The following GPHN variants were observed in gnomAD, a reference collection of about 807,000 sequenced individuals.
GPHN encodes gephyrin.
Under a neutral mutation model 95.5 loss-of-function variants are expected in GPHN, and 17 were observed. The ratio of observed to expected loss-of-function variants is 0.18; its 90% CI spans 0.12 to 0.27. GPHN has a LOEUF of 0.27. Among genes scored for constraint, GPHN ranks in the 10% least tolerant of loss-of-function variants. GPHN has a pLI of 1.00. For missense variants in GPHN, 660 were observed against 978.1 expected, an observed-to-expected ratio of 0.67 and a Z score of 4.34; for synonymous variants, 320 against 322.5, an observed-to-expected ratio of 0.99 and a Z score of 0.08.
the GPHN span, among the ~76,000 whole-genome samples, chr14:67,550,271 C>G: frequency 1.3e-5 from 2 of 152,146 alleles, no homozygotes; most frequent in African/African-American, 4.8e-5. Flanking sequence ...TCACTGCTAC[C>G]TCTGCCCCCG....
intron 2 of GPHN, among the ~76,000 whole-genome samples, chr14:66,765,849 A>G (rs1288227300): frequency 6.6e-6 from 1 of 152,334 alleles, no homozygotes; most frequent in Admixed American, 6.5e-5. Flanking sequence ...AATGAAATAT[A>G]TATCTGGATA....
At chr14:67,479,059 C>CT in the GPHN span, among the ~76,000 whole-genome samples, 6 of 152,170 alleles carry the variant, frequency 3.9e-5, no homozygotes, top group East Asian at 1.9e-4. Flanking sequence ...TTTCTGCATA[C>CT]TTTTTTTTCC....
At chr14:66,526,190 A>G (rs1240069463) in intron 1 of GPHN, among the ~76,000 whole-genome samples, 1 of 152,084 alleles carries the variant, frequency 6.6e-6, no homozygotes, top group Non-Finnish European at 1.5e-5. Flanking sequence ...CTCCTTAAAG[A>G]GGTCCTTCAC....
At chr14:67,721,512 G>A in the GPHN span, among the ~76,000 whole-genome samples, 52 of 152,032 alleles carry the variant, frequency 3.4e-4, no homozygotes, top group Non-Finnish European at 5.9e-5. Context: ...CTCTTTACCA[G>A]CATTTTCTTG....
intron 2 of GPHN, among the ~76,000 whole-genome samples, chr14:66,713,983 G>A (rs921726060): frequency 1.3e-5 from 2 of 152,122 alleles, no homozygotes; most frequent in African/African-American, 4.8e-5. Flanking sequence ...TGGCCAGGCT[G>A]GTTTCACAAT....
At chr14:67,549,863 G>T in the GPHN span, among the ~76,000 whole-genome samples, 1 of 152,212 alleles carries the variant, frequency 6.6e-6, no homozygotes, top group African/African-American at 2.4e-5. Context: ...CTAAAGAAAA[G>T]CTCTGTGGGC....
intron 18 of GPHN, among the ~76,000 whole-genome samples, chr14:67,155,198 C>T (rs1048109708): frequency 6.6e-6 from 1 of 152,194 alleles, no homozygotes; most frequent in Admixed American, 6.5e-5. Context: ...GGAATAAAGA[C>T]AATCTGCAGA....
the GPHN span, among the ~76,000 whole-genome samples, chr14:67,608,177 AAGGCTGC>A: frequency 6.6e-6 from 1 of 151,994 alleles, no homozygotes; most frequent in Admixed American, 6.6e-5. Flanking sequence ...CCAGGATGTC[AAGGCTGC>A]AGTGAGCCAT....
chr14:66,650,453 T>G (rs2064990304), intron 1 of GPHN, among the ~76,000 whole-genome samples: 1 of 152,198 alleles, frequency 6.6e-6, no homozygotes, highest in Admixed American at 6.5e-5. Flanking sequence ...TGCCTGCTGC[T>G]AAGGACATAT....
the GPHN span, chr14:67,588,008 C>G: frequency 6.6e-6 from 1 of 152,538 alleles, no homozygotes; most frequent in Non-Finnish European, 1.5e-5. Flanking sequence ...AAGGTGCTGA[C>G]AGAGTTGGAG....
intron 2 of GPHN, among the ~76,000 whole-genome samples, chr14:66,727,870 C>G (rs1443676791): frequency 6.6e-6 from 1 of 152,144 alleles, no homozygotes; most frequent in Non-Finnish European, 1.5e-5. Context: ...AATAAGGAGC[C>G]AAATGTTAAT....
chr14:66,649,380 A>G (rs960745216), intron 1 of GPHN, among the ~76,000 whole-genome samples: 3 of 151,606 alleles, frequency 2.0e-5, no homozygotes, highest in African/African-American at 7.3e-5. Flanking sequence ...CCCCCGGACC[A>G]TGGACCAGTA....
At chr14:67,310,157 A>C in the GPHN span, among the ~76,000 whole-genome samples, 4 of 152,076 alleles carry the variant, frequency 2.6e-5, no homozygotes, top group African/African-American at 9.7e-5. Flanking sequence ...CTTTTTGCTC[A>C]ATCTCTTAAC....
chr14:67,388,385 T>C, the GPHN span: 60 of 831,914 alleles, frequency 7.2e-5, no homozygotes, highest in Non-Finnish European at 8.6e-5. Context: ...TCAGGCCAGC[T>C]AAAGAAGTGA....
intron 5 of GPHN, among the ~76,000 whole-genome samples, chr14:66,907,079 T>A (rs926174397): frequency 2.6e-5 from 4 of 152,176 alleles, no homozygotes; most frequent in Non-Finnish European, 5.9e-5. Flanking sequence ...CTTCTAGATA[T>A]TTAACCAATT....
At chr14:66,878,776 A>C (rs916481762) in intron 4 of GPHN, among the ~76,000 whole-genome samples, 4 of 152,132 alleles carry the variant, frequency 2.6e-5, no homozygotes, top group African/African-American at 9.7e-5. Flanking sequence ...TGGGAGTGTA[A>C]ATTAATTCAA....
intron 12 of GPHN, among the ~76,000 whole-genome samples, chr14:67,089,882 A>G (rs1033695469): frequency 1.3e-5 from 2 of 152,144 alleles, no homozygotes; most frequent in African/African-American, 4.8e-5. Context: ...CCCAAATGTA[A>G]ATTCTGAATT....
intron 2 of GPHN, among the ~76,000 whole-genome samples, chr14:66,704,183 A>G (rs2068841682): frequency 6.6e-6 from 1 of 152,070 alleles, no homozygotes; most frequent in Admixed American, 6.6e-5. Flanking sequence ...GTTGCTAGAG[A>G]CCTGAAAAAA....
chr14:66,813,847 T>C (rs573751309), intron 3 of GPHN, among the ~76,000 whole-genome samples: 5 of 152,308 alleles, frequency 3.3e-5, no homozygotes, highest in African/African-American at 1.2e-4. Context: ...AGCCTGGTCA[T>C]GCCTGCTGGC....
Sources: gnomAD v4.1 joint callset for allele counts (sites outside exome capture counted in the v4.1 genomes callset) on GRCh38, gnomAD v4.1.1 for gene constraint, MANE v1.5 for transcripts, NCBI Gene and HGNC (gene_info 2026-07-23, HGNC 2026-07-21) for gene names.